The following CRYZL1 variants were observed in gnomAD, a reference collection of about 807,000 sequenced individuals.
CRYZL1 encodes the protein ferry endosomal RAB5 effector complex subunit 4.
In CRYZL1, 34 loss-of-function variants were observed where a neutral mutation model predicts 50.6. The ratio of observed to expected loss-of-function variants is 0.67; its 90% CI spans 0.51 to 0.89. CRYZL1 has a LOEUF of 0.89. Ranked by LOEUF, CRYZL1 falls within the 40% of genes least tolerant of loss-of-function variation. The pLI is 0.00. For missense variants in CRYZL1, 354 were observed against 402.3 expected, an observed-to-expected ratio of 0.88 and a Z score of 1.03; for synonymous variants, 125 against 134.3, an observed-to-expected ratio of 0.93 and a Z score of 0.48.
intron 12 of CRYZL1, 26 bp from the exon 13 acceptor site, chr21:33,589,947 T>C: frequency 2.9e-6 from 4 of 1,373,484 alleles, no homozygotes; most frequent in Non-Finnish European, 4.1e-6. Flanking sequence ...ATTAGAAATG[T>C]CAGGTCTAGT....
intron 1 of CRYZL1, among the ~76,000 whole-genome samples, chr21:33,638,715 T>C (rs2087241116): frequency 6.6e-6 from 1 of 152,210 alleles, no homozygotes; most frequent in Non-Finnish European, 1.5e-5. Flanking sequence ...ACAGGAGATA[T>C]TGTGACAGTG....
At position 33,589,886 on chromosome 21, in the gene CRYZL1, GC is replaced by G. The variant is rs1277982859; in HGVS notation, c.985del (p.Ala329GlnfsTer32). The G allele has an allele frequency of 1.2e-6, 2 of 1,611,088 alleles. No homozygotes were observed. Among genetic ancestry groups the G allele is most frequent in the Admixed American group, 1.7e-5 (1 of 59,484 alleles). ...CTGAACAGCTTCCATGGAAACTTTT[GC>G]CTCATACAGTGGAATGGGTTCATCC... ...QLDEPIPLYE[A>X]KVSMEAVQKN... On this transcript the variant is annotated frameshift_variant, in exon 13 of 13. Transcript: ENST00000381554. LOFTEE classifies it high-confidence loss of function.
rs770289619 is a variant in CRYZL1, at chr21:33,603,520, C to T, written c.349G>A (p.Val117Ile). The T allele has an allele frequency of 1.5e-5, 25 of 1,614,094 alleles. No individual in the cohort carries two copies. Among genetic ancestry groups the T allele is most frequent in the Non-Finnish European group, 2.1e-5 (25 of 1,180,044 alleles). Residue 117 changes from valine (V) to isoleucine (I), a missense_variant, in exon 7 of 13, where the codon GTC becomes ATC. By Grantham distance (29) the Val-to-Ile change is conservative. Transcript: ENST00000381554. ...CTTCCTGCTGCTTCCGTCCATGTGA[C>T]CTTTTCTGGTTTATGAACTATCATA... ...EHYLVHKPEK[V>I]TWTEAAGSIR...
chr21:33,595,705 A>C, intron 11 of CRYZL1, 26 bp downstream of exon 11: 1 of 1,612,020 alleles, frequency 6.2e-7, no homozygotes, highest in Non-Finnish European at 8.5e-7. Context: ...CAAGCCAGAA[A>C]CTCAATCAGT....
chr21:33,612,502 T>C (rs1290575447), intron 6 of CRYZL1, among the ~76,000 whole-genome samples: 1 of 152,234 alleles, frequency 6.6e-6, no homozygotes, highest in African/African-American at 2.4e-5. Context: ...TTGGCCAGGC[T>C]GGTCTCAAAC....
In CRYZL1 at chr21:33,589,807, T is replaced by G. The variant is rs760982632; in HGVS notation, c.*15A>C. Reference sequence around the variant, plus strand: ...GGAATATGTTCATCCGACTGAGGTCTGAGAAAGAAGAAAATTAAAATTGAA... The same window carrying G: ...GGAATATGTTCATCCGACTGAGGTCGGAGAAAGAAGAAAATTAAAATTGAA... On this transcript the variant is annotated 3_prime_UTR_variant, in exon 13 of 13. Transcript: ENST00000381554. 6.6e-7 allele frequency: 1 copy of G among 1,513,258 alleles called. No homozygotes were observed. Among genetic ancestry groups the G allele is most frequent in the Admixed American group, 1.7e-5 (1 of 59,596 alleles). The allele number at this position is 1,513,258 out of a possible 1,614,324, so 93.7% of individuals were successfully genotyped here. A position where few individuals can be genotyped will look rare whatever the true frequency, so the allele number is the denominator to read the frequency against.
chr21:33,599,225 C>T lies in CRYZL1; in HGVS notation c.601G>A (p.Gly201Arg), dbSNP rs1008490508. The T allele has an allele frequency of 3.1e-6, 5 of 1,613,752 alleles. No individual in the cohort carries two copies. The highest frequency in any genetic ancestry group is 2.5e-6 in the Non-Finnish European group (3 of 1,179,814). The change falls in exon 9 of 13, where the codon GGG becomes AGG. Residue 201 changes from glycine (G) to arginine (R), a missense_variant. Physicochemically the swap from Gly to Arg is moderately radical, Grantham distance 125. Coordinates refer to ENST00000381554, the MANE Select transcript of CRYZL1 (RefSeq NM_145858.3). ...PIARVIDVSN[G>R]KVHVAESCLE... ...CAGCTTTCAGCAACATGAACTTTCC[C>T]ATTAGATACATCAATCACTCGGGCT...
intron 4 of CRYZL1, among the ~76,000 whole-genome samples, chr21:33,617,789 T>A (rs1390342964): frequency 6.6e-6 from 1 of 151,944 alleles, no homozygotes; most frequent in Non-Finnish European, 1.5e-5. Context: ...AGGACAGGGG[T>A]CGATCTTTAA....
chr21:33,605,644 C>T (rs1007818428), intron 6 of CRYZL1, among the ~76,000 whole-genome samples: 5 of 150,090 alleles, frequency 3.3e-5, no homozygotes, highest in African/African-American at 1.2e-4. Flanking sequence ...GCCTCAGCCT[C>T]CCAAGTAGCT....
At chr21:33,604,450 A>G (rs1317447298) in intron 6 of CRYZL1, among the ~76,000 whole-genome samples, 1 of 150,148 alleles carries the variant, frequency 6.7e-6, no homozygotes, top group Non-Finnish European at 1.5e-5. Context: ...AATGGTGTGA[A>G]CCCGGGAGGT....
intron 4 of CRYZL1, chr21:33,616,990 A>C (rs1438735880): frequency 3.5e-6 from 1 of 283,118 alleles, no homozygotes; most frequent in Non-Finnish European, 6.5e-6. Flanking sequence ...CAGGAGAAGT[A>C]TCTCTCTCTT....
At chr21:33,606,385 G>A (rs2086814932) in intron 6 of CRYZL1, among the ~76,000 whole-genome samples, 1 of 152,092 alleles carries the variant, frequency 6.6e-6, no homozygotes, top group African/African-American at 2.4e-5. Flanking sequence ...CAGCACTTTG[G>A]GAGGCCAAGG....
At chr21:33,613,385 T>C (rs2086893254) in intron 6 of CRYZL1, among the ~76,000 whole-genome samples, 153 bp downstream of exon 6, 1 of 152,242 alleles carries the variant, frequency 6.6e-6, no homozygotes, top group African/African-American at 2.4e-5. Flanking sequence ...AGTATTCACA[T>C]GACCAGCCAA....
At chr21:33,617,012 T>C (rs372588389) in intron 4 of CRYZL1, 1 of 235,738 alleles carries the variant, frequency 4.2e-6, no homozygotes, top group South Asian at 1.0e-4. Flanking sequence ...GCCTATTTAG[T>C]TGACTTTATT....
intron 1 of CRYZL1, among the ~76,000 whole-genome samples, chr21:33,634,880 A>AATATAT (rs10599845): frequency 9.8e-4 from 141 of 144,430 alleles, no homozygotes; most frequent in African/African-American, 1.4e-3. Context: ...CAACAACAAC[A>AATATAT]ATATATATAT....
chr21:33,617,675 C>CG, intron 4 of CRYZL1, among the ~76,000 whole-genome samples: 1 of 151,872 alleles, frequency 6.6e-6, no homozygotes, highest in Non-Finnish European at 1.5e-5. Context: ...GGTACGTGAT[C>CG]GGGGGCTGCA....
At chr21:33,597,240 C>T (rs1432580493) in intron 10 of CRYZL1, 40 bp downstream of exon 10, 2 of 1,590,706 alleles carry the variant, frequency 1.3e-6, no homozygotes, top group Non-Finnish European at 1.7e-6. Flanking sequence ...AATTACACCC[C>T]TTTGGTGTAA....
At chr21:33,609,004 G>A (rs1266709667) in intron 6 of CRYZL1, among the ~76,000 whole-genome samples, 4 of 152,050 alleles carry the variant, frequency 2.6e-5, no homozygotes, top group Non-Finnish European at 4.4e-5. Flanking sequence ...CCACATTCTC[G>A]CCAATACTTA....
At chr21:33,628,233 A>G (rs1190828743) in intron 2 of CRYZL1, among the ~76,000 whole-genome samples, 2 of 152,208 alleles carry the variant, frequency 1.3e-5, no homozygotes, top group East Asian at 1.9e-4. Flanking sequence ...AATATTTTTT[A>G]AAGTAAGGTA....
Sources: gnomAD v4.1 joint callset for allele counts (sites outside exome capture counted in the v4.1 genomes callset) on GRCh38, gnomAD v4.1.1 for gene constraint, MANE v1.5 for transcripts, NCBI Gene and HGNC (gene_info 2026-07-23, HGNC 2026-07-21) for gene names.